Variants in TRPM3 observed in about 807,000 individuals in gnomAD.
TRPM3 encodes long transient receptor potential channel 3.
Under a neutral mutation model 181.2 loss-of-function variants are expected in TRPM3, and 77 were observed. The observed-to-expected ratio is 0.42, with a 90% CI of 0.35 to 0.51. The LOEUF (loss-of-function observed/expected upper bound fraction) is 0.51. Among genes scored for constraint, TRPM3 ranks in the 20% least tolerant of loss-of-function variants. TRPM3 has a pLI of 0.01. For synonymous variants in TRPM3, 745 were observed against 796.4 expected (o/e 0.94, Z 1.09); for missense variants, 1,759 against 2,196.7 (o/e 0.80, Z 3.98).
At chr9:70,847,348 AT>A (rs1467552757) in intron 3 of TRPM3, among the ~76,000 whole-genome samples, 1 of 152,246 alleles carries the variant, frequency 6.6e-6, no homozygotes, top group Non-Finnish European at 1.5e-5. Flanking sequence ...AAAAACTTCA[AT>A]TTCTAGCTGG....
intron 8 of TRPM3, among the ~76,000 whole-genome samples, chr9:70,695,715 G>T (rs2070172357): frequency 6.6e-6 from 1 of 152,168 alleles, no homozygotes; most frequent in African/African-American, 2.4e-5. Flanking sequence ...CTTACGACAT[G>T]CTAAACACTG....
chr9:71,038,581 T>C (rs796393110), intron 1 of TRPM3, among the ~76,000 whole-genome samples: 10 of 152,292 alleles, frequency 6.6e-5, no homozygotes, highest in African/African-American at 2.4e-4. Context: ...CTTCCCTTTC[T>C]TCTTTCATTT....
rs1412774485 is a variant in TRPM3 at position 70,535,393 on chromosome 9, G to T, written c.*560C>A. 3 of 1,548,612 alleles carry T rather than the reference G, an allele frequency of 1.9e-6. No homozygotes were observed. Among genetic ancestry groups the T allele is most frequent in the Non-Finnish European group, 2.6e-6 (3 of 1,145,344 alleles). ...ATTACAGAAGTGTTGGCATGAGAAG[G>T]ATGTGGGACGTTAGGTAGAACTGCT... On this transcript the variant is annotated 3_prime_UTR_variant, in exon 26 of 26. Coordinates refer to ENST00000677713, the MANE Select transcript of TRPM3 (RefSeq NM_001366145.2).
chr9:71,258,715 T>C (rs1312095439), intron 1 of TRPM3, among the ~76,000 whole-genome samples: 1 of 152,196 alleles, frequency 6.6e-6, no homozygotes, highest in East Asian at 1.9e-4. Flanking sequence ...TTATTACATT[T>C]AATCTTTCCA....
chr9:70,614,273 C>G (rs1054893999), intron 18 of TRPM3, among the ~76,000 whole-genome samples: 1 of 146,788 alleles, frequency 6.8e-6, no homozygotes, highest in African/African-American at 2.5e-5. Flanking sequence ...GGCTAGAGGA[C>G]TGCTTGAAAC....
chr9:70,585,604 T>C (rs962476442), intron 22 of TRPM3, among the ~76,000 whole-genome samples: 11 of 152,310 alleles, frequency 7.2e-5, no homozygotes, highest in Admixed American at 2.0e-4. Context: ...CCAGAAACCT[T>C]GGCGTAATCT....
intron 1 of TRPM3, among the ~76,000 whole-genome samples, chr9:70,864,755 TA>T (rs1255523908): frequency 6.6e-6 from 1 of 151,526 alleles, no homozygotes; most frequent in Non-Finnish European, 1.5e-5. Context: ...CTGACCATAA[TA>T]AAAAAAAGTT....
intron 1 of TRPM3, among the ~76,000 whole-genome samples, chr9:71,324,600 G>A (rs900421872): frequency 3.3e-5 from 5 of 151,836 alleles, no homozygotes; most frequent in South Asian, 4.2e-4. Flanking sequence ...CAATTGACCC[G>A]GCAATCCCAA....
chr9:71,296,515 G>A (rs1312942732), intron 1 of TRPM3, among the ~76,000 whole-genome samples: 1 of 152,196 alleles, frequency 6.6e-6, no homozygotes, highest in Non-Finnish European at 1.5e-5. Flanking sequence ...AAACAGCAAG[G>A]AGAGAACAAG....
intron 1 of TRPM3, among the ~76,000 whole-genome samples, chr9:71,308,092 T>A (rs2087544873): frequency 1.3e-5 from 2 of 151,882 alleles, no homozygotes; most frequent in Non-Finnish European, 2.9e-5. Flanking sequence ...TGCCTCAGCC[T>A]CCCAAGCAGC....
At chr9:71,199,720 T>G (rs1471862443) in intron 1 of TRPM3, among the ~76,000 whole-genome samples, 2 of 135,638 alleles carry the variant, frequency 1.5e-5, no homozygotes, top group South Asian at 2.6e-4. Context: ...GGTGGTGATA[T>G]CCCCTTTATC....
intron 12 of TRPM3, among the ~76,000 whole-genome samples, chr9:70,630,870 A>G (rs1055953650): frequency 2.0e-5 from 3 of 152,234 alleles, no homozygotes; most frequent in Non-Finnish European, 4.4e-5. Context: ...CGTGCCATGC[A>G]TAAGGAAACC....
chr9:70,983,098 C>T (rs996206996), intron 1 of TRPM3, among the ~76,000 whole-genome samples: 11 of 152,234 alleles, frequency 7.2e-5, no homozygotes, highest in African/African-American at 2.4e-4. Flanking sequence ...GTCTAGGTAA[C>T]CACAGACCTC....
rs560003768 is a variant in TRPM3, at chr9:70,886,672, C to CTT, written c.178-22163_178-22162dup. ...AGTCAACACTTTTTTTTCTTTTTTT[C>CTT]TTTTTTTTTGAGATGGAATTTCGCT... On this transcript the variant is annotated intron_variant, in intron 1 of 25. Coordinates refer to ENST00000677713, the MANE Select transcript of TRPM3 (RefSeq NM_001366145.2). Among the ~76,000 whole-genome samples, 400 of 149,900 alleles carry CTT rather than the reference C, an allele frequency of 2.7e-3. 5 individuals are homozygous for CTT. The highest frequency in any genetic ancestry group is 9.0e-3 in the African/African-American group (366 of 40,842).
chr9:70,627,575 T>C (rs1431666880), intron 12 of TRPM3, among the ~76,000 whole-genome samples: 1 of 152,078 alleles, frequency 6.6e-6, no homozygotes, highest in African/African-American at 2.4e-5. Flanking sequence ...GCCCAGCCCA[T>C]TGCTGCTTTT....
chr9:70,764,490 A>G (rs1306419497), intron 7 of TRPM3, among the ~76,000 whole-genome samples: 1 of 152,176 alleles, frequency 6.6e-6, no homozygotes, highest in Non-Finnish European at 1.5e-5. Flanking sequence ...TGACACTTGT[A>G]TCCAATCTGT....
At chr9:71,027,524 C>G (rs1241984538) in intron 1 of TRPM3, among the ~76,000 whole-genome samples, 1 of 152,108 alleles carries the variant, frequency 6.6e-6, no homozygotes, top group East Asian at 1.9e-4. Context: ...AATTAAGATT[C>G]AGGAGAATAC....
chr9:70,561,485 C>A (rs1325474007), intron 22 of TRPM3, among the ~76,000 whole-genome samples: 2 of 152,250 alleles, frequency 1.3e-5, no homozygotes, highest in Admixed American at 6.5e-5. Context: ...ACATGAGGCT[C>A]TTTCTATTGC....
chr9:71,364,895 G>A lies in TRPM3; in HGVS notation c.183+81758C>T, dbSNP rs1004041116. Among the ~76,000 whole-genome samples, 15 of 152,148 alleles carry A rather than the reference G, an allele frequency of 9.9e-5. 1 individual carries two copies. Among genetic ancestry groups the A allele is most frequent in the African/African-American group, 3.6e-4 (15 of 41,436 alleles). On this transcript the variant is annotated intron_variant, in intron 1 of 24. Coordinates refer to the TRPM3 transcript ENST00000357533. ...TGAATCATCACATGAATGTTCATAA[G>A]CATTTGCATGGGGTAAGGAATCTAT...
Sources: gnomAD v4.1 joint callset for allele counts (sites outside exome capture counted in the v4.1 genomes callset) on GRCh38, gnomAD v4.1.1 for gene constraint, MANE v1.5 for transcripts, NCBI Gene and HGNC (gene_info 2026-07-23, HGNC 2026-07-21) for gene names.